Variants in METTL15 observed in about 807,000 individuals in gnomAD.
METTL15 encodes the protein 12S rRNA N(4)-cytidine methyltransferase METTL15.
Under a neutral mutation model 38.3 loss-of-function variants are expected in METTL15, and 34 were observed. The ratio of observed to expected loss-of-function variants is 0.89; its 90% confidence interval spans 0.68 to 1.18. METTL15 has a LOEUF of 1.18. Ranked by LOEUF, METTL15 falls within the 50% of genes most tolerant of loss-of-function variation. The probability of loss-of-function intolerance (pLI) is 0.00; values close to 1 mark genes in which losing one functional copy is unlikely to be tolerated. For missense variants in METTL15, 438 were observed against 498.4 expected (o/e 0.88, Z 1.15); for synonymous variants, 162 against 170.9 (o/e 0.95, Z 0.41).
At chr11:28,420,733 A>G (rs1259586753) in intron 5 of METTL15, among the ~76,000 whole-genome samples, 3 of 152,088 alleles carry the variant, frequency 2.0e-5, no homozygotes, top group African/African-American at 7.2e-5. Context: ...CTAACAGTGA[A>G]GTTTATAGCT....
chr11:28,459,002 G>A (rs1390925990), intron 6 of METTL15, among the ~76,000 whole-genome samples: 1 of 152,074 alleles, frequency 6.6e-6, no homozygotes, highest in Non-Finnish European at 1.5e-5. Flanking sequence ...CAGCACCATT[G>A]AAATGCTCCT....
chr11:28,242,526 G>T (rs1410977308), intron 4 of METTL15, among the ~76,000 whole-genome samples: 1 of 152,170 alleles, frequency 6.6e-6, no homozygotes, highest in Non-Finnish European at 1.5e-5. Flanking sequence ...GTAAGAAAAT[G>T]ATTGTATCCA....
intron 6 of METTL15, among the ~76,000 whole-genome samples, chr11:28,303,928 T>C (rs1482027972): frequency 2.0e-5 from 3 of 152,112 alleles, no homozygotes; most frequent in African/African-American, 7.2e-5. Context: ...GTGCCACTTA[T>C]TTGTTCTGTG....
Position 28,147,463 on chromosome 11 carries a change from CAT to C in METTL15, c.270+33860_270+33861del, listed in dbSNP as rs561277060. Among the ~76,000 whole-genome samples the C allele has an allele frequency of 1.4e-3, 208 of 151,844 alleles. 2 individuals carry two copies. Among genetic ancestry groups the C allele is most frequent in the Non-Finnish European group, 2.2e-3 (149 of 67,790 alleles). ...TTGAGACACATTTTATAATTGATGA[CAT>C]GTTATAATTTAATTGGCAGTACCTT... On this transcript the variant is annotated intron_variant, in intron 3 of 6. Coordinates refer to ENST00000407364, the MANE Select transcript of METTL15 (RefSeq NM_001113528.2).
chr11:28,468,711 G>A (rs568194362), intron 6 of METTL15, among the ~76,000 whole-genome samples: 2 of 152,314 alleles, frequency 1.3e-5, no homozygotes, highest in East Asian at 1.9e-4. Context: ...CCCAAAGTCA[G>A]CAAAGGGAGC....
At chr11:28,292,864 G>A (rs1022223980) in intron 5 of METTL15, among the ~76,000 whole-genome samples, 1 of 152,162 alleles carries the variant, frequency 6.6e-6, no homozygotes, top group Non-Finnish European at 1.5e-5. Context: ...CTTCTTTTGA[G>A]AAGTGTCTGT....
chr11:28,212,914 T>C (rs72876470), intron 4 of METTL15, among the ~76,000 whole-genome samples: 1 of 152,290 alleles, frequency 6.6e-6, no homozygotes, highest in Non-Finnish European at 1.5e-5. Context: ...ACACCACACT[T>C]TCTCAAATGT....
At chr11:28,501,963 T>A (rs568818937) in intron 6 of METTL15, among the ~76,000 whole-genome samples, 6 of 151,954 alleles carry the variant, frequency 3.9e-5, no homozygotes, top group Non-Finnish European at 7.4e-5. Context: ...TAGCCGGGCG[T>A]GGTGGCGGGC....
intron 5 of METTL15, among the ~76,000 whole-genome samples, chr11:28,373,018 A>G (rs372547106): frequency 1.8e-4 from 27 of 151,920 alleles, no homozygotes; most frequent in Non-Finnish European, 2.9e-4. Context: ...CCAGTCTATC[A>G]TTATTGGACA....
chr11:28,367,461 A>G (rs531509137), intron 5 of METTL15, among the ~76,000 whole-genome samples: 18 of 152,298 alleles, frequency 1.2e-4, no homozygotes, highest in Middle Eastern at 3.4e-3. Context: ...TTCAAGGAGA[A>G]CTACAAACCA....
intron 4 of METTL15, among the ~76,000 whole-genome samples, chr11:28,222,180 T>G (rs1853264091): frequency 6.6e-6 from 1 of 152,202 alleles, no homozygotes; most frequent in Admixed American, 6.5e-5. Context: ...GCAGGCCTCC[T>G]TGAGCTGCGG....
At chr11:28,307,407 G>A (rs1257456716) in intron 6 of METTL15, among the ~76,000 whole-genome samples, 3 of 151,854 alleles carry the variant, frequency 2.0e-5, no homozygotes, top group East Asian at 3.9e-4. Flanking sequence ...TAAATGAATG[G>A]CCATTTTGTT....
At chr11:28,378,652 G>C (rs1015692286) in intron 5 of METTL15, among the ~76,000 whole-genome samples, 1 of 151,930 alleles carries the variant, frequency 6.6e-6, no homozygotes, top group Non-Finnish European at 1.5e-5. Context: ...GACAGGAGCT[G>C]TTCCTATTCG....
chr11:28,263,743 A>T (rs1206355370), intron 4 of METTL15, among the ~76,000 whole-genome samples: 2 of 152,206 alleles, frequency 1.3e-5, no homozygotes, highest in East Asian at 3.9e-4. Flanking sequence ...TGAAAACAAT[A>T]ATTTTTAATA....
chr11:28,167,764 A>G (rs1376172201), intron 3 of METTL15, among the ~76,000 whole-genome samples: 1 of 151,800 alleles, frequency 6.6e-6, no homozygotes, highest in African/African-American at 2.4e-5. Context: ...ATATAAATTT[A>G]TACTGTAATG....
intron 3 of METTL15, among the ~76,000 whole-genome samples, chr11:28,202,009 C>T (rs1409154524): frequency 2.0e-5 from 3 of 152,030 alleles, no homozygotes; most frequent in Non-Finnish European, 4.4e-5. Context: ...ACCCATTATG[C>T]CTAGAAGTTT....
chr11:28,397,123 A>G (rs2133400108), intron 5 of METTL15, among the ~76,000 whole-genome samples: 1 of 152,118 alleles, frequency 6.6e-6, no homozygotes, highest in Admixed American at 6.6e-5. Context: ...TGTTAGACCT[A>G]AAACCATAAA....
chr11:28,250,879 T>A lies in METTL15; in HGVS notation c.408-39327T>A, dbSNP rs531671729. ...ATATCAGGTCAACCACCTTGTCAAT[T>A]TGAGCCCTTTTTTTCCCCTATTTTC... On this transcript the variant is annotated intron_variant, in intron 4 of 6. Transcript: ENST00000407364. Among the ~76,000 whole-genome samples, 5 of 152,142 alleles carry A rather than the reference T, an allele frequency of 3.3e-5. No homozygotes were observed. In the South Asian group the frequency reaches 8.3e-4, roughly 25 times the overall value.
At chr11:28,164,940 A>C (rs1850604279) in intron 3 of METTL15, among the ~76,000 whole-genome samples, 1 of 152,150 alleles carries the variant, frequency 6.6e-6, no homozygotes, top group African/African-American at 2.4e-5. Flanking sequence ...ATATAAGTGG[A>C]ATAATGCAGT....
Sources: allele counts gnomAD v4.1 joint callset (sites outside exome capture counted in the v4.1 genomes callset), GRCh38; gene constraint gnomAD v4.1.1; transcripts MANE v1.5; gene names NCBI Gene and HGNC (gene_info 2026-07-23, HGNC 2026-07-21).